Variants in SLC25A38 observed in about 807,000 individuals in gnomAD.
The protein encoded by SLC25A38 is solute carrier family 25 member 38.
SLC25A38 carries 27 observed loss-of-function variants against 33.4 expected under a neutral mutation model. The ratio of observed to expected loss-of-function variants is 0.81; its 90% CI spans 0.60 to 1.11. The LOEUF is 1.11. Ranked by LOEUF, SLC25A38 falls within the 50% of genes most tolerant of loss-of-function variation. The pLI, the probability that SLC25A38 is intolerant of heterozygous loss-of-function variation, is 0.00. For synonymous variants in SLC25A38, 123 were observed against 145.9 expected (o/e 0.84, Z 1.13); for missense variants, 344 against 388.8 (o/e 0.88, Z 0.97).
chr3:39,386,160 C>G (rs917543038), intron 1 of SLC25A38, among the ~76,000 whole-genome samples: 1 of 152,024 alleles, frequency 6.6e-6, no homozygotes, highest in Non-Finnish European at 1.5e-5. Context: ...TTTGTCATTA[C>G]TTGTATTTTT....
chr3:39,395,917 A>G (rs2125584023), intron 6 of SLC25A38, among the ~76,000 whole-genome samples: 1 of 152,042 alleles, frequency 6.6e-6, no homozygotes, highest in African/African-American at 2.4e-5. Context: ...ACAAAAAAAA[A>G]AAATGGTTTT....
chr3:39,385,327 AAC>A (rs1370659934), intron 1 of SLC25A38, among the ~76,000 whole-genome samples: 27 of 152,164 alleles, frequency 1.8e-4, no homozygotes, highest in Non-Finnish European at 2.6e-4. Flanking sequence ...TTGGCTCAAT[AAC>A]TTGAGCCAAT....
rs563185131 is a variant in SLC25A38, at chr3:39,389,525, G to A, written c.100G>A (p.Gly34Ser). The change falls in exon 2 of 7, where the codon GGC becomes AGC. Residue 34 changes from glycine to serine, a missense_variant. Physicochemically the swap from Gly to Ser is moderately conservative, Grantham distance 56. Transcript: ENST00000650617. The surrounding 1 kb of genome is among the most constrained non-coding windows in gnomAD (Gnocchi z 4.5). The stretch of plus-strand genomic sequence containing the variant: ...TCCGGTGATCAAGGCTTTCCTGTGT[G>A]GCTCCATCAGTGGGACCTGCTCTAC... ...LHPVIKAFLC[G>S]SISGTCSTLL... 6.2e-7 allele frequency: 1 copy of A among 1,614,180 alleles called. No homozygotes were observed. Among genetic ancestry groups the A allele is most frequent in the East Asian group, 2.2e-5 (1 of 44,876 alleles).
At chr3:39,392,434 A>G (rs1221809016) in intron 5 of SLC25A38, among the ~76,000 whole-genome samples, 2 of 152,162 alleles carry the variant, frequency 1.3e-5, no homozygotes, top group African/African-American at 4.8e-5. Flanking sequence ...TTCTTGTTAA[A>G]GTCAGGGAAA....
chr3:39,395,639 TTTAA>T (rs1163652815), intron 6 of SLC25A38, among the ~76,000 whole-genome samples: 1 of 152,084 alleles, frequency 6.6e-6, no homozygotes, highest in African/African-American at 2.4e-5. Context: ...GCATTTTTTC[TTTAA>T]TTAATATGAA....
At chr3:39,396,287 G>A in intron 6 of SLC25A38, 111 bp from the exon 7 acceptor site, 1 of 1,532,428 alleles carries the variant, frequency 6.5e-7, no homozygotes, top group Non-Finnish European at 9.0e-7. Context: ...ATAAAGTTTA[G>A]AAACTAAGTC....
Position 39,394,502 on chromosome 3 carries a change from G to A in SLC25A38, c.718G>A (p.Val240Ile), listed in dbSNP as rs2041807236. Residue 240 changes from valine to isoleucine, a missense_variant, in exon 6 of 7, where the codon GTT (valine) becomes ATT (isoleucine). Around this residue, in one of 2 missense-constraint regions of SLC25A38, gnomAD observed 75 missense variants for 117.0 expected, o/e 0.64. Transcript: ENST00000650617. ...LASLVTQPAD[V>I]IKTHMQLYPL... ...CTCACTGGTAACTCAACCTGCGGAT[G>A]TTATCAAAACTCATATGCAGCTTTA... 3.7e-6 allele frequency: 6 copies of A among 1,614,172 alleles called. No homozygotes were observed. Among genetic ancestry groups the A allele is most frequent in the Non-Finnish European group, 4.2e-6 (5 of 1,180,028 alleles).
intron 1 of SLC25A38, 68 bp downstream of exon 1, chr3:39,383,861 G>A (rs925830338): frequency 2.9e-4 from 448 of 1,566,388 alleles, no homozygotes; most frequent in Non-Finnish European, 3.7e-4. Flanking sequence ...AATTCGGGGC[G>A]TTGCTAAGGC....
intron 6 of SLC25A38, 103 bp from the exon 7 acceptor site, chr3:39,396,295 G>A: frequency 6.4e-7 from 1 of 1,550,936 alleles, no homozygotes; most frequent in Non-Finnish European, 8.9e-7. Flanking sequence ...TAGAAACTAA[G>A]TCTTAAACAT....
Position 39,389,572 on chromosome 3 carries a change from T to G in SLC25A38, c.147T>G (p.Asp49Glu). The change falls in exon 2 of 7, where the codon GAT becomes GAG. Residue 49 changes from aspartate (D) to glutamate (E), a missense_variant. By Grantham distance (45) the Asp-to-Glu change is conservative (BLOSUM62 2). Transcript: ENST00000650617. The surrounding 1 kb of genome is among the most constrained non-coding windows in gnomAD (Gnocchi z 4.5). Reference sequence around the variant, plus strand: ...CTACCCTCCTTTTCCAACCTCTGGATCTCCTTAAAACACGCCTGCAAACCC... The same window carrying G: ...CTACCCTCCTTTTCCAACCTCTGGAGCTCCTTAAAACACGCCTGCAAACCC... ...TCSTLLFQPL[D>E]LLKTRLQTLQ... 1 of 1,614,132 alleles carries G rather than the reference T, an allele frequency of 6.2e-7. No individual in the cohort carries two copies. The highest frequency in any genetic ancestry group is 1.1e-5 in the South Asian group (1 of 91,082).
chr3:39,391,416 C>A, intron 3 of SLC25A38, 25 bp from the exon 4 acceptor site: 2 of 1,612,464 alleles, frequency 1.2e-6, no homozygotes, highest in Middle Eastern at 2.1e-4. Flanking sequence ...CTTTGATTTT[C>A]TTTTCTCCCT....
intron 1 of SLC25A38, chr3:39,384,392 G>C (rs907036392): frequency 1.2e-5 from 4 of 321,480 alleles, no homozygotes; most frequent in Non-Finnish European, 2.2e-5. Flanking sequence ...CTGGCGGCGT[G>C]GTTGCCCGGT....
At position 39,383,620 on chromosome 3, in the gene SLC25A38, G is replaced by T. The variant is rs2041672031; in HGVS notation, c.-105G>T. On this transcript the variant is annotated 5_prime_UTR_variant, in exon 1 of 7. Coordinates refer to ENST00000650617, the MANE Select transcript of SLC25A38 (RefSeq NM_017875.4). ...GAGAGCCCGCGGCTTAAAGCGCGTCGCCTGGCTAGCGCCACCCCCTAGCCT... is the reference window on the plus strand; with the variant it reads ...GAGAGCCCGCGGCTTAAAGCGCGTCTCCTGGCTAGCGCCACCCCCTAGCCT... The T allele has an allele frequency of 1.5e-6, 2 of 1,360,330 alleles. No individual in the cohort carries two copies. The highest frequency in any genetic ancestry group is 2.9e-5 in the African/African-American group (2 of 69,394). The allele number at this position is 1,360,330 out of a possible 1,614,324, so 84.3% of individuals were successfully genotyped here.
Position 39,394,578 on chromosome 3 carries a change from T to C in SLC25A38, c.792+2T>C, listed in dbSNP as rs766387890. 6.2e-7 allele frequency: 1 copy of C among 1,614,054 alleles called. No individual in the cohort carries two copies. The highest frequency in any genetic ancestry group is 8.5e-7 in the Non-Finnish European group (1 of 1,180,006). On this transcript the variant is annotated splice_donor_variant, in intron 6 of 6. Transcript: ENST00000650617. LOFTEE classifies it high-confidence loss of function. ...CAAGCAGTGACACTTATTTTCAAAG[T>C]AAGACTACAAAATAAGTACTGGTTC... is the stretch of plus-strand genomic sequence containing the variant.
rs755447127 is a variant in SLC25A38, at chr3:39,391,483, A to T, written c.319A>T (p.Thr107Ser). The change falls in exon 4 of 7, where the codon ACT (threonine) becomes TCT (serine). Residue 107 changes from threonine (T) to serine (S), a missense_variant. Transcript: ENST00000650617. Reference protein sequence around the residue: ...CVPGVGIYFGTLYSLKQYFLR... With the variant: ...CVPGVGIYFGSLYSLKQYFLR... The stretch of plus-strand genomic sequence containing the variant: ...CCCTGGCGTTGGAATCTACTTTGGC[A>T]CTCTCTACTCTTTGAAGCAGTATTT... The T allele has an allele frequency of 6.2e-6, 10 of 1,613,756 alleles. No homozygotes were observed. The African/African-American group carries it at 9.4e-5, about 15-fold the overall frequency.
At position 39,391,858 on chromosome 3, in the gene SLC25A38, G is replaced by T; in HGVS notation, c.462G>T (p.Gly154=). The T allele has an allele frequency of 6.2e-7, 1 of 1,613,340 alleles. No individual in the cohort carries two copies. The highest frequency in any genetic ancestry group is 8.5e-7 in the Non-Finnish European group (1 of 1,179,950). ...ITVIKTRYES[G]KYGYESIYAA... ...GTTCTGTGCTCTCTTTGCAGAGTGG[G>T]AAATATGGCTATGAGAGTATCTACG... The change falls in exon 5 of 7, where the codon GGG becomes GGT. Residue 154 remains glycine, a synonymous_variant. Coordinates refer to ENST00000650617, the MANE Select transcript of SLC25A38 (RefSeq NM_017875.4).
At chr3:39,384,534 C>T (rs1410597361) in intron 1 of SLC25A38, 5 of 388,940 alleles carry the variant, frequency 1.3e-5, no homozygotes, top group African/African-American at 6.3e-5. Flanking sequence ...TCCTTAAAGG[C>T]GGAGACGGCG....
chr3:39,392,545 G>A (rs564386081), intron 5 of SLC25A38, among the ~76,000 whole-genome samples: 1 of 152,116 alleles, frequency 6.6e-6, no homozygotes, highest in Admixed American at 6.5e-5. Context: ...TGGAGATGAA[G>A]GTGTCAAACT....
intron 5 of SLC25A38, among the ~76,000 whole-genome samples, chr3:39,392,280 A>G (rs1280838685): frequency 6.6e-6 from 1 of 151,768 alleles, no homozygotes; most frequent in African/African-American, 2.4e-5. Context: ...GTGGGAGGGA[A>G]ATAAAGCATG....
Sources: gnomAD v4.1 joint callset for allele counts (sites outside exome capture counted in the v4.1 genomes callset) on GRCh38, gnomAD v4.1.1 for gene constraint, gnomAD v4.1.1 regional missense constraint, Gnocchi (gnomAD v3.1) non-coding constraint, MANE v1.5 for transcripts, NCBI Gene and HGNC (gene_info 2026-07-23, HGNC 2026-07-21) for gene names.